Variants in IFT81 observed in about 807,000 individuals in gnomAD.
IFT81 encodes intraflagellar transport protein 81 homolog.
In IFT81, 72 loss-of-function variants were observed where a neutral mutation model predicts 102.6. That is an observed-to-expected ratio of 0.70 (90% CI 0.58 to 0.85). The LOEUF is 0.85. Among genes scored for constraint, IFT81 ranks in the 40% least tolerant of loss-of-function variants. The probability of loss-of-function intolerance (pLI) is 0.00; values close to 1 mark genes in which losing one functional copy is unlikely to be tolerated. For synonymous variants in IFT81, 237 were observed against 242.7 expected (o/e 0.98, Z 0.22); for missense variants, 723 against 787.3 (o/e 0.92, Z 0.98).
chr12:110,159,148 A>T (rs1191853976), intron 10 of IFT81, among the ~76,000 whole-genome samples: 1 of 152,066 alleles, frequency 6.6e-6, no homozygotes, highest in African/African-American at 2.4e-5. Context: ...ATTGGTGTAG[A>T]CTGCACCAAA....
chr12:110,144,357 C>T (rs1895073993), intron 9 of IFT81, among the ~76,000 whole-genome samples: 1 of 151,964 alleles, frequency 6.6e-6, no homozygotes, highest in African/African-American at 2.4e-5. Context: ...GCTGGGATTA[C>T]AGGCACGCGC....
intron 12 of IFT81, among the ~76,000 whole-genome samples, chr12:110,181,058 A>G (rs1308653201): frequency 1.3e-5 from 2 of 151,044 alleles, no homozygotes; most frequent in African/African-American, 2.4e-5. Context: ...AGTTGTTCTC[A>G]TTGTGGATGC....
At chr12:110,176,308 C>CA (rs1374064149) in intron 11 of IFT81, among the ~76,000 whole-genome samples, 1 of 152,210 alleles carries the variant, frequency 6.6e-6, no homozygotes, top group Non-Finnish European at 1.5e-5. Flanking sequence ...TGCCTCTATG[C>CA]AACCTTACTG....
intron 3 of IFT81, among the ~76,000 whole-genome samples, 152 bp from the exon 4 acceptor site, chr12:110,128,786 CAAAAAAAAAAAA>C (rs59756924): frequency 2.9e-5 from 2 of 68,762 alleles, no homozygotes; most frequent in East Asian, 5.8e-4. Context: ...GACCCTGTCT[CAAAAAAAAAAAA>C]AAAAAAAAAA....
intron 1 of IFT81, 118 bp from the exon 2 acceptor site, chr12:110,127,242 T>C: frequency 4.0e-6 from 4 of 999,912 alleles, no homozygotes; most frequent in Non-Finnish European, 5.5e-6. Context: ...TCACAGCATT[T>C]TGTATGCCAT....
At chr12:110,201,467 T>C (rs956691853) in intron 14 of IFT81, among the ~76,000 whole-genome samples, 2 of 151,958 alleles carry the variant, frequency 1.3e-5, no homozygotes, top group Non-Finnish European at 2.9e-5. Flanking sequence ...GTCTTGCTCT[T>C]GTCGCCCAGG....
At chr12:110,193,370 C>T (rs1400521562) in intron 14 of IFT81, among the ~76,000 whole-genome samples, 2 of 152,146 alleles carry the variant, frequency 1.3e-5, no homozygotes, top group East Asian at 3.8e-4. Flanking sequence ...CAGGTAAAAG[C>T]TCAAAGTCTG....
rs1232938811 is a variant in IFT81 at position 110,218,174 on chromosome 12, C to A, written c.1979C>A (p.Thr660Asn). The change falls in exon 19 of 19, where the codon ACT (threonine) becomes AAT (asparagine). Residue 660 changes from threonine to asparagine, a missense_variant. By Grantham distance (65) the Thr-to-Asn change is moderately conservative (BLOSUM62 0). Transcript: ENST00000242591. ...KQCFLKQQSQ[T>N]SIGQVIQEGG... The stretch of plus-strand genomic sequence containing the variant: ...TGCTTTCTGAAACAACAAAGCCAAA[C>A]TTCCATTGGTCAGGTAATTCAGGAG... 2.5e-6 allele frequency: 4 copies of A among 1,585,302 alleles called. No homozygotes were observed. Among genetic ancestry groups the A allele is most frequent in the Non-Finnish European group, 3.4e-6 (4 of 1,171,474 alleles).
At chr12:110,132,401 A>C (rs753148538) in intron 4 of IFT81, 146 bp from the exon 5 acceptor site, 3 of 387,756 alleles carry the variant, frequency 7.7e-6, no homozygotes, top group Non-Finnish European at 9.4e-6. Context: ...CGGAAGTTGT[A>C]GTGAGCCGAG....
intron 10 of IFT81, among the ~76,000 whole-genome samples, chr12:110,147,331 T>C (rs1895282988): frequency 6.6e-6 from 1 of 152,220 alleles, no homozygotes; most frequent in African/African-American, 2.4e-5. Context: ...AATTTATTTT[T>C]AAAATGAAAA....
intron 11 of IFT81, among the ~76,000 whole-genome samples, chr12:110,171,476 A>G (rs1350732307): frequency 6.6e-6 from 1 of 152,198 alleles, no homozygotes. Context: ...CGATTATTAC[A>G]GACTCTCTTA....
intron 12 of IFT81, among the ~76,000 whole-genome samples, chr12:110,182,392 C>T (rs1897340895): frequency 6.6e-6 from 1 of 152,194 alleles, no homozygotes; most frequent in South Asian, 2.1e-4. Flanking sequence ...CCTTCCTTTA[C>T]TATCCATTCT....
chr12:110,174,136 G>A lies in IFT81; in HGVS notation c.1189-6286G>A, dbSNP rs376853854. Reference sequence around the variant, plus strand: ...ACTAAAAATACAAAAAAATTAGCCAGGCATGGTGGCGGACGCCTATAGTCC... The same window carrying A: ...ACTAAAAATACAAAAAAATTAGCCAAGCATGGTGGCGGACGCCTATAGTCC... On this transcript the variant is annotated intron_variant, in intron 11 of 18. Coordinates refer to ENST00000242591, the MANE Select transcript of IFT81 (RefSeq NM_014055.4). Among the ~76,000 whole-genome samples the A allele has an allele frequency of 2.0e-4, 30 of 151,858 alleles. No homozygotes were observed. The East Asian group carries it at 3.5e-3, about 18-fold the overall frequency.
chr12:110,158,738 C>T (rs865912638), intron 10 of IFT81, among the ~76,000 whole-genome samples: 18 of 152,082 alleles, frequency 1.2e-4, no homozygotes, highest in Middle Eastern at 3.4e-3. Flanking sequence ...TACAGGCGCC[C>T]GCCACCACGC....
intron 9 of IFT81, among the ~76,000 whole-genome samples, chr12:110,145,103 G>C (rs574315928): frequency 6.9e-6 from 1 of 144,038 alleles, no homozygotes; most frequent in East Asian, 2.0e-4. Context: ...CATGATCACA[G>C]CTCACTGCAG....
chr12:110,218,412 A>G lies in IFT81; in HGVS notation c.*186A>G, dbSNP rs1269752934. The stretch of plus-strand genomic sequence containing the variant: ...TTGAATGTTTTTTCATATGAAAAAG[A>G]GGCTTTTATTCTTTTCCATAGTTTA... On this transcript the variant is annotated 3_prime_UTR_variant, in exon 19 of 19. Transcript: ENST00000242591. 2.2e-6 allele frequency: 1 copy of G among 449,554 alleles called. No individual in the cohort carries two copies. The highest frequency in any genetic ancestry group is 3.8e-6 in the Non-Finnish European group (1 of 260,344). The allele number at this position is 449,554 out of a possible 1,614,324, so 27.8% of individuals were successfully genotyped here.
At chr12:110,147,127 A>G in intron 10 of IFT81, 79 bp downstream of exon 10, 1 of 1,076,294 alleles carries the variant, frequency 9.3e-7, no homozygotes, top group Non-Finnish European at 1.3e-6. Flanking sequence ...CTATAGTCTT[A>G]AAGTGAGAAG....
chr12:110,200,374 A>G (rs1328718621), intron 14 of IFT81, among the ~76,000 whole-genome samples: 4 of 152,188 alleles, frequency 2.6e-5, no homozygotes, highest in Non-Finnish European at 1.5e-5. Flanking sequence ...TTGTTACACA[A>G]TGGTAAGTAT....
intron 11 of IFT81, among the ~76,000 whole-genome samples, chr12:110,177,867 G>A (rs1254425245): frequency 5.9e-5 from 9 of 152,018 alleles, no homozygotes; most frequent in Admixed American, 5.9e-4. Flanking sequence ...GGCCAAGGTG[G>A]GCGGATCACC....
Sources: allele counts gnomAD v4.1 joint callset (sites outside exome capture counted in the v4.1 genomes callset), GRCh38; gene constraint gnomAD v4.1.1; transcripts MANE v1.5; gene names NCBI Gene and HGNC (gene_info 2026-07-23, HGNC 2026-07-21).